Variants in SCARA3 observed in about 807,000 individuals in gnomAD.
SCARA3 encodes cellular stress response gene protein.
Under a neutral mutation model 47.0 loss-of-function variants are expected in SCARA3, and 39 were observed. The ratio of observed to expected loss-of-function variants is 0.83; its 90% CI spans 0.64 to 1.08. The LOEUF is 1.08. Ranked by LOEUF, SCARA3 falls within the 50% of genes least tolerant of loss-of-function variation. The pLI is 0.00. For synonymous variants in SCARA3, 356 were observed against 334.1 expected (o/e 1.07, Z -0.71); for missense variants, 724 against 792.3 (o/e 0.91, Z 1.04).
intron 1 of SCARA3, among the ~76,000 whole-genome samples, chr8:27,635,379 C>T (rs1801228761): frequency 6.6e-6 from 1 of 152,292 alleles, no homozygotes; most frequent in African/African-American, 2.4e-5. Flanking sequence ...GCAACCAGTG[C>T]CATCCTACAA....
At position 27,656,878 on chromosome 8, in the gene SCARA3, TG is replaced by T; in HGVS notation, c.325+1del. The T allele has an allele frequency of 6.3e-7, 1 of 1,583,296 alleles. No homozygotes were observed. Among genetic ancestry groups the T allele is most frequent in the Middle Eastern group, 1.7e-4 (1 of 6,002 alleles). On this transcript the variant is annotated frameshift_variant and splice_region_variant, in exon 4 of 6. Transcript: ENST00000301904. LOFTEE classifies it high-confidence loss of function. Reference sequence around the variant, plus strand: ...TTAATGCAGAAAAATCTCCAGGGCCTGGGTAAGTAGATGGGCTGATGACTGT... The same window carrying T: ...TTAATGCAGAAAAATCTCCAGGGCCTGGTAAGTAGATGGGCTGATGACTGT... ...LVLMQKNLQG[L>X]DPKALNNCSF...
chr8:27,664,017 A>C (rs1022891207), intron 5 of SCARA3, among the ~76,000 whole-genome samples: 3 of 152,224 alleles, frequency 2.0e-5, no homozygotes, highest in Non-Finnish European at 2.9e-5. Context: ...GGCCTGATGA[A>C]ACAACTAATC....
At chr8:27,684,677 A>C in the SCARA3 span, among the ~76,000 whole-genome samples, 1 of 151,374 alleles carries the variant, frequency 6.6e-6, no homozygotes, top group Admixed American at 6.6e-5. Flanking sequence ...AAAAAAAAAA[A>C]AGGAAAAGGA....
chr8:27,656,026 T>C (rs1355974253), intron 3 of SCARA3, among the ~76,000 whole-genome samples: 1 of 152,214 alleles, frequency 6.6e-6, no homozygotes, highest in East Asian at 1.9e-4. Context: ...TTCTGACATA[T>C]GGTCAAGGTC....
chr8:27,635,310 C>T (rs959244161), intron 1 of SCARA3, among the ~76,000 whole-genome samples: 3 of 152,060 alleles, frequency 2.0e-5, no homozygotes, highest in Non-Finnish European at 4.4e-5. Flanking sequence ...ATGCAGCCTC[C>T]GCATTGCATA....
At chr8:27,686,445 T>TA in the SCARA3 span, among the ~76,000 whole-genome samples, 11,253 of 147,380 alleles carry the variant, frequency 0.076, 452 homozygotes, top group East Asian at 0.21. Flanking sequence ...CTCTGTCTCT[T>TA]AAAAAAAAAA....
rs202052048 is a variant in SCARA3, at chr8:27,660,654, A to C, written c.1369+1115A>C. Among the ~76,000 whole-genome samples the C allele has an allele frequency of 7.4e-3, 1,106 of 149,906 alleles. 6 individuals carry two copies. Among genetic ancestry groups the C allele is most frequent in the Middle Eastern group, 0.03 (8 of 264 alleles). On this transcript the variant is annotated intron_variant, in intron 5 of 5. Transcript: ENST00000301904. ...TAGATAGATAGATAGATAGATAGAT[A>C]GATCTAGAGAAACAGAATCAATAGT...
chr8:27,693,630 A>G, the SCARA3 span, among the ~76,000 whole-genome samples: 5 of 152,212 alleles, frequency 3.3e-5, no homozygotes, highest in African/African-American at 1.2e-4. Context: ...TGGTCAGGCC[A>G]TGATGGAAGT....
intron 1 of SCARA3, among the ~76,000 whole-genome samples, chr8:27,636,718 A>G (rs1050379214): frequency 2.0e-5 from 3 of 152,112 alleles, no homozygotes; most frequent in Non-Finnish European, 2.9e-5. Flanking sequence ...TTTTTCCTCC[A>G]GCCTCCGGAA....
intron 3 of SCARA3, among the ~76,000 whole-genome samples, chr8:27,655,655 A>G (rs1408625037): frequency 6.6e-6 from 1 of 152,200 alleles, no homozygotes; most frequent in South Asian, 2.1e-4. Context: ...CATAACCATC[A>G]TATATAAGGA....
chr8:27,697,398 A>AAC, the SCARA3 span: 130,483 of 157,428 alleles, frequency 0.83, 55,191 homozygotes, highest in East Asian at 0.98. Context: ...CTGAGGCATC[A>AAC]ACTACTGAGA....
At chr8:27,693,112 G>A in the SCARA3 span, among the ~76,000 whole-genome samples, 1 of 136,522 alleles carries the variant, frequency 7.3e-6, no homozygotes, top group Non-Finnish European at 1.6e-5. Context: ...GGAACAGAGA[G>A]AGACTCTGTC....
rs1801190301 is a variant in SCARA3 at position 27,633,969 on chromosome 8, G to A, written c.-232G>A. ...ATGCGCGCTCTGGGCGGCGGGGCGC[G>A]GCGCTAGGCGCCCGGCGGGGCTTCC... On this transcript the variant is annotated 5_prime_UTR_variant, in exon 1 of 6. Transcript: ENST00000301904. 2 of 208,392 alleles carry A rather than the reference G, an allele frequency of 9.6e-6. No homozygotes were observed. Among genetic ancestry groups the A allele is most frequent in the South Asian group, 1.6e-4 (1 of 6,140 alleles). 12.9% of individuals were successfully genotyped at this position (208,392 alleles called of 1,614,324 possible). A position where few individuals can be genotyped will look rare whatever the true frequency, so the allele number is the denominator to read the frequency against.
the SCARA3 span, among the ~76,000 whole-genome samples, chr8:27,732,619 C>T: frequency 6.6e-6 from 1 of 152,240 alleles, no homozygotes; most frequent in African/African-American, 2.4e-5. Context: ...TATATACACA[C>T]ATCTCTAAAT....
chr8:27,700,321 G>T, the SCARA3 span, among the ~76,000 whole-genome samples: 1 of 152,056 alleles, frequency 6.6e-6, no homozygotes, highest in South Asian at 2.1e-4. Flanking sequence ...ATAAGAAAAA[G>T]ACATGCAGCT....
rs1197557262 is a variant in SCARA3 at position 27,658,672 on chromosome 8, TC to T, written c.505del (p.Gln169ArgfsTer24). ...GCTCTCCACCACCAGCAGACAAATC[TC>T]CCAGGAGATGGGCAGTTGCTCCTTC... ...EVLSTTSRQI[S>X]QEMGSCSFSI... On this transcript the variant is annotated frameshift_variant, in exon 5 of 6. Coordinates refer to ENST00000301904, the MANE Select transcript of SCARA3 (RefSeq NM_016240.3). LOFTEE classifies it high-confidence loss of function. 1 of 1,613,938 alleles carries T rather than the reference TC, an allele frequency of 6.2e-7. No individual in the cohort carries two copies. The highest frequency in any genetic ancestry group is 1.1e-5 in the South Asian group (1 of 91,050).
At position 27,659,848 on chromosome 8, in the gene SCARA3, T is replaced by TAAA. The variant is rs1164812144; in HGVS notation, c.1369+336_1369+338dup. ...CTGGGAGACAGAGTAAGTCCTTATCTAAAAAAAAAAAAAAAAAAAAAAAAA... is the reference window on the plus strand; with the variant it reads ...CTGGGAGACAGAGTAAGTCCTTATCTAAAAAAAAAAAAAAAAAAAAAAAAAAAA... On this transcript the variant is annotated intron_variant, in intron 5 of 5. Transcript: ENST00000301904. Among the ~76,000 whole-genome samples, 99 of 40,336 alleles carry TAAA rather than the reference T, an allele frequency of 2.5e-3. 1 individual carries two copies. Among genetic ancestry groups the TAAA allele is most frequent in the African/African-American group, 2.6e-3 (20 of 7,632 alleles). The allele number at this position is 40,336 out of a possible 152,430, so 26.5% of individuals were successfully genotyped here.
In SCARA3 at chr8:27,658,624, C is replaced by T; in HGVS notation, c.454C>T (p.Gln152Ter). ...LLLAQEVQLD[Q>*]TLQAQEVLST... ...TCTGGCCCAGGAGGTGCAGCTGGAC[C>T]AGACCTTACAGGCCCAGGAGGTGCT... The change falls in exon 5 of 6, where the codon CAG (glutamine) becomes TAG (stop). Residue 152 changes from glutamine to a stop codon, truncating the protein, a stop_gained. Transcript: ENST00000301904. LOFTEE classifies it high-confidence loss of function. 6.2e-7 allele frequency: 1 copy of T among 1,614,038 alleles called. No homozygotes were observed. Among genetic ancestry groups the T allele is most frequent in the Non-Finnish European group, 8.5e-7 (1 of 1,179,990 alleles).
downstream of SCARA3, among the ~76,000 whole-genome samples, chr8:27,678,342 C>T (rs532607089): frequency 6.6e-6 from 1 of 152,180 alleles, no homozygotes; most frequent in South Asian, 2.1e-4. Context: ...AGAGTGAGAC[C>T]ATCACCACAA....
Sources: gnomAD v4.1 joint callset for allele counts (sites outside exome capture counted in the v4.1 genomes callset) on GRCh38, gnomAD v4.1.1 for gene constraint, MANE v1.5 for transcripts, NCBI Gene and HGNC (gene_info 2026-07-23, HGNC 2026-07-21) for gene names.